The following PXDNL variants were observed in gnomAD, a reference collection of about 807,000 sequenced individuals.
The protein encoded by PXDNL is probable oxidoreductase PXDNL.
PXDNL carries 145 observed loss-of-function variants against 150.8 expected under a neutral mutation model. That is an observed-to-expected ratio of 0.96 (90% CI 0.84 to 1.10). PXDNL has a LOEUF of 1.10. Ranked by LOEUF, PXDNL falls within the 50% of genes least tolerant of loss-of-function variation. The pLI is 0.00. For missense variants in PXDNL, 2,087 were observed against 1,873.9 expected (o/e 1.11, Z -2.10); for synonymous variants, 757 against 725.7 (o/e 1.04, Z -0.69).
chr8:51,578,659 C>T (rs947620027), intron 3 of PXDNL, among the ~76,000 whole-genome samples: 9 of 151,516 alleles, frequency 5.9e-5, no homozygotes, highest in Admixed American at 6.6e-5. Context: ...TCTAGACTAA[C>T]TAAAAATTTT....
rs112039686 is a variant in PXDNL, at chr8:51,515,394, C to T, written c.381-15624G>A. Among the ~76,000 whole-genome samples the T allele has an allele frequency of 6.2e-3, 947 of 152,234 alleles. 5 individuals are homozygous for T. The highest frequency in any genetic ancestry group is 0.022 in the African/African-American group (901 of 41,534). On this transcript the variant is annotated intron_variant, in intron 4 of 22. Transcript: ENST00000356297. ...AGAAGGAACCCACTGTGAACACATA[C>T]CTGATAGTTCTGGGAAGCTGACTTG...
chr8:51,628,399 CTTTTTTTTT>C (rs71550276), intron 2 of PXDNL, among the ~76,000 whole-genome samples: 1 of 69,748 alleles, frequency 1.4e-5, no homozygotes, highest in Non-Finnish European at 2.4e-5. Context: ...CTTTTCTTTT[CTTTTTTTTT>C]TTTTTTTTTT....
chr8:51,341,888 A>G (rs1278151948), intron 20 of PXDNL, among the ~76,000 whole-genome samples: 2 of 152,174 alleles, frequency 1.3e-5, no homozygotes, highest in African/African-American at 4.8e-5. Context: ...ACTGTGGAAA[A>G]CAGTATGGAG....
intron 4 of PXDNL, among the ~76,000 whole-genome samples, chr8:51,505,615 G>C (rs1429549305): frequency 6.6e-6 from 1 of 152,198 alleles, no homozygotes; most frequent in African/African-American, 2.4e-5. Flanking sequence ...CTGCACACCA[G>C]AGTGTCTCTG....
intron 1 of PXDNL, among the ~76,000 whole-genome samples, chr8:51,723,590 C>A (rs999536316): frequency 6.6e-6 from 1 of 152,216 alleles, no homozygotes; most frequent in Non-Finnish European, 1.5e-5. Flanking sequence ...GTGTGCATTT[C>A]CTCAGTCACA....
At chr8:51,769,146 G>T (rs2037263317) in intron 1 of PXDNL, among the ~76,000 whole-genome samples, 1 of 152,186 alleles carries the variant, frequency 6.6e-6, no homozygotes, top group Non-Finnish European at 1.5e-5. Flanking sequence ...GGAATGAACT[G>T]CACATTTTCT....
chr8:51,532,410 T>G (rs1232911293), intron 4 of PXDNL, among the ~76,000 whole-genome samples: 1 of 152,218 alleles, frequency 6.6e-6, no homozygotes, highest in Admixed American at 6.5e-5. Context: ...TTCTACAACC[T>G]TTCTGACAGC....
At chr8:51,538,546 A>G (rs778673025) in intron 4 of PXDNL, among the ~76,000 whole-genome samples, 1 of 152,120 alleles carries the variant, frequency 6.6e-6, no homozygotes, top group South Asian at 2.1e-4. Context: ...CGGGTGGATC[A>G]CCTGAGGTCA....
chr8:51,657,080 T>C (rs957378005), intron 1 of PXDNL, among the ~76,000 whole-genome samples: 3 of 152,312 alleles, frequency 2.0e-5, no homozygotes, highest in Non-Finnish European at 4.4e-5. Context: ...ACATCATAGC[T>C]TAGCCTAGCC....
Position 51,556,522 on chromosome 8 carries a change from C to T in PXDNL, c.380+318G>A, listed in dbSNP as rs367751859. ...AATAAACATTATTGCTCTTTGCATG[C>T]AGTACCTTAACATGCACCACGGAAA... On this transcript the variant is annotated intron_variant, in intron 4 of 22. Transcript: ENST00000356297. Among the ~76,000 whole-genome samples the T allele has an allele frequency of 2.6e-4, 40 of 152,256 alleles. 1 individual carries two copies. The South Asian group carries it at 7.7e-3, about 29-fold the overall frequency.
At position 51,389,378 on chromosome 8, in the gene PXDNL, C is replaced by G. The variant is rs1807823064; in HGVS notation, c.3558-14647G>C. Among the ~76,000 whole-genome samples, 3 of 152,184 alleles carry G rather than the reference C, an allele frequency of 2.0e-5. No individual in the cohort carries two copies. In the South Asian group the frequency reaches 6.2e-4, roughly 31 times the overall value. On this transcript the variant is annotated intron_variant, in intron 17 of 22. Transcript: ENST00000356297. ...TTTCAAAAATTTTCCTGTTTCATTT[C>G]AGCCTCGGTCCCTGATGTTTACTTG...
intron 1 of PXDNL, among the ~76,000 whole-genome samples, chr8:51,794,009 T>C (rs202191871): frequency 6.6e-6 from 1 of 151,856 alleles, no homozygotes; most frequent in Non-Finnish European, 1.5e-5. Context: ...AACATGAGAA[T>C]TTCACAATGC....
chr8:51,539,996 A>C (rs1424767658), intron 4 of PXDNL, among the ~76,000 whole-genome samples: 1 of 151,550 alleles, frequency 6.6e-6, no homozygotes, highest in Admixed American at 6.6e-5. Context: ...GCAGTGGCTC[A>C]ATCTCAACCT....
Position 51,417,387 on chromosome 8 carries a change from A to G in PXDNL, c.1796-4129T>C, listed in dbSNP as rs1371816103. On this transcript the variant is annotated intron_variant, in intron 14 of 22. Transcript: ENST00000356297. ...TCACTACTATTGATGGTAAAATCCA[A>G]TGGTAATATTGAGTCCTTTCAGAAA... Among the ~76,000 whole-genome samples, 5 of 152,286 alleles carry G rather than the reference A, an allele frequency of 3.3e-5. No homozygotes were observed. The East Asian group carries it at 7.7e-4, about 24-fold the overall frequency.
chr8:51,409,122 G>A lies in PXDNL; in HGVS notation c.2502C>T (p.Ser834=), dbSNP rs1354478403. The A allele has an allele frequency of 6.2e-7, 1 of 1,606,892 alleles. No homozygotes were observed. Among genetic ancestry groups the A allele is most frequent in the Non-Finnish European group, 8.5e-7 (1 of 1,179,052 alleles). The change falls in exon 17 of 23, where the codon TCC becomes TCT. Residue 834 remains serine, a synonymous_variant. Transcript: ENST00000356297. ...AACAAGGAGGGTCGTTGGTGCAGAC[G>A]GAGCTGCACGGCCGCCCATCCGAGA... ...ARFSDGRPCS[S]VCTNDPPCFP... is the part of the protein sequence containing the mutation.
intron 2 of PXDNL, among the ~76,000 whole-genome samples, chr8:51,622,458 T>C (rs1350877634): frequency 1.3e-4 from 20 of 152,232 alleles, no homozygotes; most frequent in Admixed American, 1.3e-3. Context: ...TTTGGGGTTA[T>C]ATAAATGCCT....
chr8:51,440,760 C>T (rs192968507), intron 12 of PXDNL, among the ~76,000 whole-genome samples: 14 of 152,276 alleles, frequency 9.2e-5, no homozygotes, highest in African/African-American at 3.4e-4. Context: ...GGCCTGAAAA[C>T]ACAGCAGGGT....
intron 17 of PXDNL, among the ~76,000 whole-genome samples, chr8:51,390,462 C>T (rs1586062711): frequency 2.0e-5 from 3 of 152,032 alleles, no homozygotes; most frequent in South Asian, 2.1e-4. Context: ...TGAAATTCTC[C>T]GCCTTCTCCA....
At chr8:51,358,276 G>A (rs560426406) in intron 19 of PXDNL, among the ~76,000 whole-genome samples, 1 of 152,184 alleles carries the variant, frequency 6.6e-6, no homozygotes, top group Admixed American at 6.5e-5. Context: ...AAGACAGGAG[G>A]GGGCTAGCTG....
Sources: gnomAD v4.1 joint callset for allele counts (sites outside exome capture counted in the v4.1 genomes callset) on GRCh38, gnomAD v4.1.1 for gene constraint, MANE v1.5 for transcripts, NCBI Gene and HGNC (gene_info 2026-07-23, HGNC 2026-07-21) for gene names.